PRKN: variants seen among roughly 807,000 people sequenced by gnomAD.
PRKN encodes the protein parkin RBR E3 ubiquitin protein ligase.
PRKN carries 56 observed loss-of-function variants against 59.5 expected under a neutral mutation model. That is an observed-to-expected ratio of 0.94 (90% CI 0.76 to 1.18). PRKN has a LOEUF of 1.18. PRKN is among the 50% of genes most tolerant of loss of function. PRKN has a pLI of 0.00. For synonymous variants in PRKN, 250 were observed against 222.1 expected (o/e 1.13, Z -1.12); for missense variants, 657 against 596.4 (o/e 1.10, Z -1.06).
At position 161,498,658 on chromosome 6, in the gene PRKN, G is replaced by C. The variant is rs749153705; in HGVS notation, c.1083+50196C>G. On this transcript the variant is annotated intron_variant, in intron 9 of 11. Transcript: ENST00000366898. This position sits in a 1 kb window ranked among gnomAD's most constrained non-coding sequence, Gnocchi z 4.2. ...TCCTGAAGGAAGGGCTCCACCTGCC[G>C]ACCCTGATGGAGAACGAGGTCACAT... 6.6e-6 allele frequency among the ~76,000 whole-genome samples: 1 copy of C among 152,044 alleles called. No individual in the cohort carries two copies. The highest frequency in any genetic ancestry group is 6.6e-5 in the Admixed American group (1 of 15,264).
intron 5 of PRKN, among the ~76,000 whole-genome samples, chr6:162,022,907 A>G (rs1783264638): frequency 6.6e-6 from 1 of 152,142 alleles, no homozygotes; most frequent in Non-Finnish European, 1.5e-5. Flanking sequence ...CAATTATTCA[A>G]TAGGGTGTAT....
chr6:162,266,083 G>A (rs77144638), intron 2 of PRKN, among the ~76,000 whole-genome samples: 6,575 of 152,192 alleles, frequency 0.043, 512 homozygotes, highest in East Asian at 0.34. Flanking sequence ...TGTGAGCTTT[G>A]CCACAGAAGG....
At position 162,089,646 on chromosome 6, in the gene PRKN, T is replaced by G. The variant is rs1338889420; in HGVS notation, c.535-35472A>C. On this transcript the variant is annotated intron_variant, in intron 4 of 11. Coordinates refer to ENST00000366898, the MANE Select transcript of PRKN (RefSeq NM_004562.3). ...GAAGTAGAAACAACCCAGATGCCCA[T>G]CAATTGATGAATACATAAACAAAAT... Among the ~76,000 whole-genome samples the G allele has an allele frequency of 3.3e-5, 5 of 152,314 alleles. No individual in the cohort carries two copies. In the South Asian group the frequency reaches 1.0e-3, roughly 32 times the overall value.
intron 3 of PRKN, among the ~76,000 whole-genome samples, chr6:162,249,282 T>C (rs1013333726): frequency 6.6e-6 from 1 of 152,238 alleles, no homozygotes; most frequent in Non-Finnish European, 1.5e-5. Context: ...CATGAGAACA[T>C]AGTTATTAAC....
At chr6:161,516,844 A>AAAAG (rs1554270433) in intron 9 of PRKN, among the ~76,000 whole-genome samples, 7 of 150,546 alleles carry the variant, frequency 4.6e-5, no homozygotes, top group Non-Finnish European at 7.4e-5. Context: ...AAAAAAAAAA[A>AAAAG]AAAGAAAGAA....
At chr6:162,614,963 G>A (rs2128219600) in intron 1 of PRKN, among the ~76,000 whole-genome samples, 1 of 152,232 alleles carries the variant, frequency 6.6e-6, no homozygotes, top group East Asian at 1.9e-4. Context: ...ATGTGTCCAT[G>A]GTGGCTTTTT....
In PRKN at chr6:161,497,312, C is replaced by G. The variant is rs1406104216; in HGVS notation, c.1083+51542G>C. Among the ~76,000 whole-genome samples, 1 of 152,120 alleles carries G rather than the reference C, an allele frequency of 6.6e-6. No homozygotes were observed. Among genetic ancestry groups the G allele is most frequent in the Non-Finnish European group, 1.5e-5 (1 of 67,998 alleles). ...AAGGGCGAGTGGAGGACAGGGTGTC[C>G]CCACTACAGGAAGAAAGAGAGACAT... On this transcript the variant is annotated intron_variant, in intron 9 of 11. Coordinates refer to ENST00000366898, the MANE Select transcript of PRKN (RefSeq NM_004562.3). The surrounding 1 kb of genome is among the most constrained non-coding windows in gnomAD (Gnocchi z 4.6).
intron 2 of PRKN, among the ~76,000 whole-genome samples, chr6:162,400,456 T>TAAAAAA (rs750247669): frequency 3.3e-3 from 182 of 54,970 alleles, no homozygotes; most frequent in African/African-American, 4.5e-3. Flanking sequence ...CATGTAAATA[T>TAAAAAA]CAAAAAAAAA....
rs547593204 is a variant in PRKN at position 161,998,693 on chromosome 6, C to T, written c.619-25276G>A. Among the ~76,000 whole-genome samples, 10 of 152,164 alleles carry T rather than the reference C, an allele frequency of 6.6e-5. No homozygotes were observed. The East Asian group carries it at 1.2e-3, about 18-fold the overall frequency. On this transcript the variant is annotated intron_variant, in intron 5 of 11. Transcript: ENST00000366898. The stretch of plus-strand genomic sequence containing the variant: ...CACTTTCAATAAGAGGAAGTTTCAG[C>T]GAATTGCCTGGGCTCCAGGAAAGTC...
intron 1 of PRKN, among the ~76,000 whole-genome samples, chr6:162,613,576 G>A (rs545603339): frequency 1.3e-5 from 2 of 152,126 alleles, no homozygotes; most frequent in Non-Finnish European, 2.9e-5. Flanking sequence ...TTTACTGTAA[G>A]CTTGAAGATA....
chr6:161,780,083 G>T (rs1219508167), intron 7 of PRKN, among the ~76,000 whole-genome samples: 2 of 152,126 alleles, frequency 1.3e-5, no homozygotes, highest in African/African-American at 2.4e-5. Flanking sequence ...TACCCTAAAG[G>T]TACTTCATAA....
intron 7 of PRKN, among the ~76,000 whole-genome samples, chr6:161,761,790 G>T (rs965106882): frequency 6.6e-6 from 1 of 152,198 alleles, no homozygotes. Flanking sequence ...TGAGGAGGTT[G>T]GCACTGGGAA....
At chr6:162,657,775 C>T (rs1350899811) in intron 1 of PRKN, among the ~76,000 whole-genome samples, 1 of 152,112 alleles carries the variant, frequency 6.6e-6, no homozygotes, top group Non-Finnish European at 1.5e-5. Context: ...TGACTGCTGC[C>T]ATTTCAGTAT....
At position 161,576,281 on chromosome 6, in the gene PRKN, T is replaced by C. The variant is rs1781126927; in HGVS notation, c.872-6865A>G. 6.6e-6 allele frequency among the ~76,000 whole-genome samples: 1 copy of C among 152,232 alleles called. No homozygotes were observed. On this transcript the variant is annotated intron_variant, in intron 7 of 11. Transcript: ENST00000366898. The surrounding 1 kb of genome is among the most constrained non-coding windows in gnomAD (Gnocchi z 4.6). ...ATGGGTTTTTATTTATAAAGGATTA[T>C]TCATGCATTCTTTCTCCGTAGCCAA...
Position 161,468,596 on chromosome 6 carries a change from C to G in PRKN, c.1083+80258G>C, listed in dbSNP as rs1051924388. Among the ~76,000 whole-genome samples the G allele has an allele frequency of 6.6e-6, 1 of 152,144 alleles. No homozygotes were observed. Among genetic ancestry groups the G allele is most frequent in the Non-Finnish European group, 1.5e-5 (1 of 68,032 alleles). On this transcript the variant is annotated intron_variant, in intron 9 of 11. Transcript: ENST00000366898. The surrounding 1 kb of genome is among the most constrained non-coding windows in gnomAD (Gnocchi z 5.9). ...ATGTCGTCTGCTATTATTTCAAATACTCATATTTCAGGAAGGCTCAGATTT... is the reference window on the plus strand; with the variant it reads ...ATGTCGTCTGCTATTATTTCAAATAGTCATATTTCAGGAAGGCTCAGATTT...
intron 5 of PRKN, among the ~76,000 whole-genome samples, chr6:161,996,268 A>C (rs1182675727): frequency 6.6e-6 from 1 of 152,178 alleles, no homozygotes; most frequent in Non-Finnish European, 1.5e-5. Flanking sequence ...ACTAGAAGTC[A>C]TTATGTTAAG....
Position 162,334,270 on chromosome 6 carries a change from A to G in PRKN, c.172-71505T>C, listed in dbSNP as rs369523207. Among the ~76,000 whole-genome samples the G allele has an allele frequency of 2.8e-4, 43 of 152,212 alleles. 1 individual carries two copies. Among genetic ancestry groups the G allele is most frequent in the Admixed American group, 1.8e-3 (27 of 15,288 alleles). On this transcript the variant is annotated intron_variant, in intron 2 of 11. Coordinates refer to ENST00000366898, the MANE Select transcript of PRKN (RefSeq NM_004562.3). ...TTCAGTGTAGAGAAAACAGCCTTTTATTGCAAGATGCCATCTGGGACTTTC... is the reference window on the plus strand; with the variant it reads ...TTCAGTGTAGAGAAAACAGCCTTTTGTTGCAAGATGCCATCTGGGACTTTC...
chr6:162,437,529 G>A lies in PRKN; in HGVS notation c.171+5781C>T, dbSNP rs1049203864. Among the ~76,000 whole-genome samples, 9 of 152,190 alleles carry A rather than the reference G, an allele frequency of 5.9e-5. No individual in the cohort carries two copies. The South Asian group carries it at 6.2e-4, about 11-fold the overall frequency. ...GTTACAGTCAGCACAGAGGACGGCC[G>A]TCACCAAAGGGTCCCTTCTGTTACC... On this transcript the variant is annotated intron_variant, in intron 2 of 11. Coordinates refer to ENST00000366898, the MANE Select transcript of PRKN (RefSeq NM_004562.3).
intron 4 of PRKN, among the ~76,000 whole-genome samples, chr6:162,099,918 C>T (rs1583030847): frequency 6.6e-6 from 1 of 152,194 alleles, no homozygotes; most frequent in Non-Finnish European, 1.5e-5. Flanking sequence ...CAACACCTCC[C>T]CGCCCACACA....
Sources: gnomAD v4.1 joint callset for allele counts (sites outside exome capture counted in the v4.1 genomes callset) on GRCh38, gnomAD v4.1.1 for gene constraint, Gnocchi (gnomAD v3.1) non-coding constraint, MANE v1.5 for transcripts, NCBI Gene and HGNC (gene_info 2026-07-23, HGNC 2026-07-21) for gene names.